The following PSD3 variants were observed in gnomAD, a reference collection of about 807,000 sequenced individuals.
PSD3 encodes the protein PH and SEC7 domain-containing protein 3.
PSD3 carries 49 observed loss-of-function variants against 105.5 expected under a neutral mutation model. That is an observed-to-expected ratio of 0.46 (90% confidence interval 0.37 to 0.59). The LOEUF is 0.59. Among genes scored for constraint, PSD3 ranks in the 20% least tolerant of loss-of-function variants. The pLI, the probability that PSD3 is intolerant of heterozygous loss-of-function variation, is 0.00. For missense variants in PSD3, 1,561 were observed against 1,263.8 expected (o/e 1.24, Z -3.57); for synonymous variants, 557 against 457.8 (o/e 1.22, Z -2.77).
rs1822093196 is a variant in PSD3 at position 18,935,893 on chromosome 8, G to A, written c.130+141C>T. Reference sequence around the variant, plus strand: ...GAAATATTTGCGGATTCTACATCTTGGGAAGATTGTTTTGATGAATAATTA... The same window carrying A: ...GAAATATTTGCGGATTCTACATCTTAGGAAGATTGTTTTGATGAATAATTA... On this transcript the variant is annotated intron_variant, in intron 2 of 15. Transcript: ENST00000327040. 8 of 574,274 alleles carry A rather than the reference G, an allele frequency of 1.4e-5. No homozygotes were observed. The East Asian group carries it at 2.1e-4, about 15-fold the overall frequency. 35.6% of individuals were successfully genotyped at this position (574,274 alleles called of 1,614,324 possible).
intron 2 of PSD3, among the ~76,000 whole-genome samples, chr8:18,935,583 G>A (rs553000743): frequency 1.3e-5 from 2 of 151,472 alleles, no homozygotes; most frequent in Non-Finnish European, 2.9e-5. Flanking sequence ...TGTAGTCCCA[G>A]CTAGTTGGGA....
At chr8:18,978,861 C>T (rs891234784) in intron 1 of PSD3, among the ~76,000 whole-genome samples, 1 of 152,128 alleles carries the variant, frequency 6.6e-6, no homozygotes, top group African/African-American at 2.4e-5. Flanking sequence ...CTCTCTCCTA[C>T]CCTCTACCCT....
At chr8:18,879,086 A>ACACACG (rs1448873507) in intron 2 of PSD3, among the ~76,000 whole-genome samples, 2 of 111,166 alleles carry the variant, frequency 1.8e-5, no homozygotes, top group Non-Finnish European at 3.8e-5. Context: ...ACACACACAC[A>ACACACG]CGCACACACA....
chr8:18,804,339 T>C (rs1811000161), intron 6 of PSD3, 183 bp downstream of exon 6: 1 of 556,994 alleles, frequency 1.8e-6, no homozygotes, highest in African/African-American at 1.9e-5. Flanking sequence ...CAAACATCTC[T>C]AAACCTGACA....
At chr8:18,879,051 AACACACACAC>A (rs59598569) in intron 2 of PSD3, among the ~76,000 whole-genome samples, 25 of 138,672 alleles carry the variant, frequency 1.8e-4, no homozygotes, top group African/African-American at 3.7e-4. Flanking sequence ...CACACACACA[AACACACACAC>A]ACACACACAC....
At chr8:19,032,285 G>A (rs760343458) in intron 1 of PSD3, among the ~76,000 whole-genome samples, 1 of 152,160 alleles carries the variant, frequency 6.6e-6, no homozygotes, top group Non-Finnish European at 1.5e-5. Context: ...CATGGTAAGT[G>A]AGATGTGGTT....
intron 6 of PSD3, among the ~76,000 whole-genome samples, chr8:18,804,100 G>A (rs2632842): frequency 0.87 from 132,612 of 152,186 alleles, 57,895 homozygotes; most frequent in Middle Eastern, 0.9. Flanking sequence ...AAATGAATAC[G>A]TTTTTCTTAC....
In PSD3 at chr8:18,871,893, G is replaced by A. The variant is rs1267940409; in HGVS notation, c.971C>T (p.Thr324Ile). ...AGGAGAGGCTGTTCTTTGCAGTGAT[G>A]TCTCAAAATCTATAGGATGCTGGGT... ...RETQHPIDFE[T>I]SLQRTASPDS... The change falls in exon 3 of 16, where the codon ACA becomes ATA. Residue 324 changes from threonine to isoleucine, a missense_variant. Coordinates refer to ENST00000327040, the MANE Select transcript of PSD3 (RefSeq NM_015310.4). 6.2e-7 allele frequency: 1 copy of A among 1,614,108 alleles called. No homozygotes were observed. The highest frequency in any genetic ancestry group is 8.5e-7 in the Non-Finnish European group (1 of 1,180,044).
chr8:18,752,575 A>T (rs60802233), intron 9 of PSD3, among the ~76,000 whole-genome samples: 17 of 31,702 alleles, frequency 5.4e-4, no homozygotes, highest in Non-Finnish European at 8.0e-4. Context: ...TTATATATAT[A>T]ATTATATATA....
intron 1 of PSD3, among the ~76,000 whole-genome samples, chr8:19,004,928 T>C (rs1165655323): frequency 6.6e-6 from 1 of 152,076 alleles, no homozygotes; most frequent in Non-Finnish European, 1.5e-5. Flanking sequence ...ACCATGATTG[T>C]GAGGCCTCCC....
At chr8:18,555,206 A>G (rs1435558121) in intron 15 of PSD3, among the ~76,000 whole-genome samples, 1 of 151,930 alleles carries the variant, frequency 6.6e-6, no homozygotes, top group East Asian at 1.9e-4. Flanking sequence ...GCCAGGGCTC[A>G]GCAGAGGAAG....
intron 14 of PSD3, among the ~76,000 whole-genome samples, chr8:18,560,175 TACACACACACACACACAC>T (rs5889808): frequency 1.1e-3 from 160 of 143,448 alleles, no homozygotes; most frequent in African/African-American, 4.1e-3. Context: ...ATACACATTT[TACACACACACACACACAC>T]ACACACACAC....
At chr8:18,588,337 T>A (rs116196342) in intron 12 of PSD3, among the ~76,000 whole-genome samples, 25 of 152,282 alleles carry the variant, frequency 1.6e-4, no homozygotes, top group African/African-American at 6.0e-4. Flanking sequence ...TAAGCTTCCA[T>A]TGATTGAGGA....
chr8:18,945,513 C>T (rs971207412), intron 1 of PSD3, among the ~76,000 whole-genome samples: 13 of 152,160 alleles, frequency 8.5e-5, no homozygotes, highest in African/African-American at 2.7e-4. Context: ...GACTCCTTTC[C>T]GACTTCTAGT....
At chr8:18,814,869 G>A (rs546947976) in intron 4 of PSD3, among the ~76,000 whole-genome samples, 25 of 152,302 alleles carry the variant, frequency 1.6e-4, no homozygotes, top group South Asian at 6.2e-4. Context: ...TAGTATCAGT[G>A]TATATGCACT....
intron 2 of PSD3, among the ~76,000 whole-genome samples, chr8:18,919,368 C>T (rs1390200381): frequency 6.6e-6 from 1 of 152,022 alleles, no homozygotes; most frequent in Non-Finnish European, 1.5e-5. Context: ...TTTCACACAC[C>T]ACACAGTTAT....
chr8:18,866,915 C>CAT (rs1554525403), intron 4 of PSD3, among the ~76,000 whole-genome samples: 2 of 150,392 alleles, frequency 1.3e-5, no homozygotes, highest in East Asian at 1.9e-4. Flanking sequence ...CACACACACA[C>CAT]ATATACCAAA....
chr8:18,879,090 A>G (rs1318695899), intron 2 of PSD3, among the ~76,000 whole-genome samples: 3 of 147,000 alleles, frequency 2.0e-5, no homozygotes, highest in African/African-American at 5.0e-5. Context: ...ACACACACGC[A>G]CACACAACTG....
chr8:19,001,293 C>T (rs1225674112), intron 1 of PSD3, among the ~76,000 whole-genome samples: 2 of 150,700 alleles, frequency 1.3e-5, no homozygotes, highest in Non-Finnish European at 2.9e-5. Context: ...TGGGGTCTCA[C>T]TATGTTGCCC....
Sources: gnomAD v4.1 joint callset for allele counts (sites outside exome capture counted in the v4.1 genomes callset) on GRCh38, gnomAD v4.1.1 for gene constraint, MANE v1.5 for transcripts, NCBI Gene and HGNC (gene_info 2026-07-23, HGNC 2026-07-21) for gene names.